AGXT2: variants seen among roughly 807,000 people sequenced by gnomAD.
AGXT2 encodes the protein alanine--glyoxylate aminotransferase 2, mitochondrial.
A neutral mutation model predicts 62.5 loss-of-function variants in AGXT2; 61 were observed. The ratio of observed to expected loss-of-function variants is 0.98; its 90% CI spans 0.79 to 1.21. The LOEUF (loss-of-function observed/expected upper bound fraction) is 1.21. AGXT2 is among the 50% of genes most tolerant of loss of function. The pLI is 0.00. For missense variants in AGXT2, 666 were observed against 641.5 expected, an observed-to-expected ratio of 1.04 and a Z score of -0.41; for synonymous variants, 243 against 218.7, an observed-to-expected ratio of 1.11 and a Z score of -0.98.
chr5:35,033,461 G>A lies in AGXT2; in HGVS notation c.674C>T (p.Pro225Leu). Residue 225 changes from proline to leucine, a missense_variant and splice_region_variant, in exon 6 of 14, where the codon CCA becomes CTA. Coordinates refer to ENST00000231420, the MANE Select transcript of AGXT2 (RefSeq NM_031900.4). Reference protein sequence around the residue: ...MELPGGTGCQPTMCPDVFRGP... With the variant: ...MELPGGTGCQLTMCPDVFRGP... ...CAAGAGAAAAATCTCCAAACTCACT[G>A]GTTGGCAACCTGTCCCACCAGGGAG... 3 of 1,610,106 alleles carry A rather than the reference G, an allele frequency of 1.9e-6. No individual in the cohort carries two copies. Among genetic ancestry groups the A allele is most frequent in the Non-Finnish European group, 2.6e-6 (3 of 1,176,366 alleles).
At chr5:35,010,883 C>A (rs1338927643) in intron 11 of AGXT2, among the ~76,000 whole-genome samples, 1 of 152,126 alleles carries the variant, frequency 6.6e-6, no homozygotes, top group Non-Finnish European at 1.5e-5. Context: ...CTTTGCTCAG[C>A]AGGCCTCAGC....
rs1580578038 is a variant in AGXT2 at position 35,013,050 on chromosome 5, A to C, written c.1097-5T>G. ...TCGCCAAAGATTTGGCAATCTCTAG[A>C]GGGAGAAAATAGAAGGTGTGGAAAG... On this transcript the variant is annotated splice_polypyrimidine_tract_variant and splice_region_variant and intron_variant, in intron 10 of 13. Coordinates refer to ENST00000231420, the MANE Select transcript of AGXT2 (RefSeq NM_031900.4). 1.5e-5 allele frequency: 24 copies of C among 1,551,460 alleles called. No individual in the cohort carries two copies. The East Asian group carries it at 5.9e-4, about 38-fold the overall frequency.
In AGXT2 at chr5:35,013,109, G is replaced by A. The variant is rs576253909; in HGVS notation, c.1097-64C>T. 6.4e-6 allele frequency: 9 copies of A among 1,407,156 alleles called. No individual in the cohort carries two copies. In the East Asian group the frequency reaches 7.5e-5, roughly 12 times the overall value. The allele number at this position is 1,407,156 out of a possible 1,614,324, so 87.2% of individuals were successfully genotyped here. A position where few individuals can be genotyped will look rare whatever the true frequency, so the allele number is the denominator to read the frequency against. ...ATTCCTGTCCACAATCTCTCATCGC[G>A]CCATTTGGACTACAGTTACTTCGTG... is the stretch of plus-strand genomic sequence containing the variant. On this transcript the variant is annotated intron_variant, in intron 10 of 13. Transcript: ENST00000231420.
chr5:35,008,022 A>G (rs960168682), intron 12 of AGXT2, among the ~76,000 whole-genome samples: 1 of 151,972 alleles, frequency 6.6e-6, no homozygotes, highest in African/African-American at 2.4e-5. Context: ...TTCCACCACG[A>G]ACAGAAGCAG....
At chr5:35,014,230 G>C in intron 9 of AGXT2, 111 bp from the exon 10 acceptor site, 1 of 1,431,950 alleles carries the variant, frequency 7.0e-7, no homozygotes, top group East Asian at 2.4e-5. Flanking sequence ...GAAGCAGGTG[G>C]ATCATGAGGT....
intron 4 of AGXT2, among the ~76,000 whole-genome samples, 198 bp downstream of exon 4, chr5:35,036,744 T>G (rs1190046185): frequency 6.6e-6 from 1 of 152,192 alleles, no homozygotes; most frequent in Non-Finnish European, 1.5e-5. Context: ...AATTCCCTTC[T>G]TCTGTCTGAT....
At chr5:35,016,181 T>C (rs1355204698) in intron 9 of AGXT2, among the ~76,000 whole-genome samples, 1 of 152,202 alleles carries the variant, frequency 6.6e-6, no homozygotes, top group African/African-American at 2.4e-5. Context: ...CTAAATACCA[T>C]ACATAAATGG....
intron 4 of AGXT2, among the ~76,000 whole-genome samples, chr5:35,035,736 C>T (rs947163850): frequency 1.1e-4 from 17 of 152,316 alleles, no homozygotes; most frequent in African/African-American, 4.1e-4. Context: ...TCTGCAACTC[C>T]AGGGGTTGTC....
At chr5:35,013,847 TTCTC>T (rs1240210206) in intron 10 of AGXT2, 136 bp downstream of exon 10, 10 of 1,324,032 alleles carry the variant, frequency 7.6e-6, no homozygotes, top group African/African-American at 2.9e-5. Context: ...GACAGACTGT[TTCTC>T]TCTTTCATTT....
At chr5:35,022,203 C>A (rs1767128544) in intron 9 of AGXT2, among the ~76,000 whole-genome samples, 1 of 152,084 alleles carries the variant, frequency 6.6e-6, no homozygotes, top group Admixed American at 6.6e-5. Context: ...ATACCATTGA[C>A]CCAGCCATCC....
intron 9 of AGXT2, among the ~76,000 whole-genome samples, chr5:35,021,481 C>G (rs1162411457): frequency 1.3e-5 from 2 of 150,176 alleles, no homozygotes; most frequent in African/African-American, 4.9e-5. Context: ...GAAAGGATTC[C>G]CTATTTAATA....
chr5:35,036,855 C>G, intron 4 of AGXT2, 87 bp downstream of exon 4: 1 of 1,597,164 alleles, frequency 6.3e-7, no homozygotes, highest in Non-Finnish European at 8.5e-7. Flanking sequence ...CCCCTAGAAT[C>G]ATAAGACTCC....
At chr5:35,029,789 T>C (rs1330290137) in intron 7 of AGXT2, among the ~76,000 whole-genome samples, 2 of 152,178 alleles carry the variant, frequency 1.3e-5, no homozygotes, top group Non-Finnish European at 2.9e-5. Context: ...CGTCATGGAT[T>C]ACACTTGAAA....
intron 9 of AGXT2, among the ~76,000 whole-genome samples, chr5:35,019,715 A>T (rs1285010774): frequency 6.6e-6 from 1 of 152,204 alleles, no homozygotes; most frequent in Non-Finnish European, 1.5e-5. Context: ...GGCAAGAAAT[A>T]ACTAAAATCA....
chr5:34,998,970 A>T, intron 13 of AGXT2, 144 bp from the exon 14 acceptor site: 1 of 708,340 alleles, frequency 1.4e-6, no homozygotes, highest in South Asian at 1.5e-5. Context: ...TCCATCCCCA[A>T]TGCTGAATCC....
intron 9 of AGXT2, among the ~76,000 whole-genome samples, chr5:35,024,033 C>T (rs892792574): frequency 1.3e-5 from 2 of 152,096 alleles, no homozygotes; most frequent in African/African-American, 4.8e-5. Flanking sequence ...GCTGGGATTA[C>T]AGGCATGCAC....
intron 7 of AGXT2, among the ~76,000 whole-genome samples, chr5:35,030,546 A>G (rs920546969): frequency 1.3e-4 from 20 of 152,026 alleles, no homozygotes; most frequent in Admixed American, 9.2e-4. Context: ...AAAACAACTG[A>G]CTTCAGATAT....
At chr5:35,025,458 A>G (rs1767298157) in intron 9 of AGXT2, among the ~76,000 whole-genome samples, 1 of 152,220 alleles carries the variant, frequency 6.6e-6, no homozygotes, top group African/African-American at 2.4e-5. Context: ...CCCTGAAACA[A>G]TCCCTAGAAA....
intron 1 of AGXT2, among the ~76,000 whole-genome samples, chr5:35,043,132 T>C (rs1768050456): frequency 6.6e-6 from 1 of 152,154 alleles, no homozygotes; most frequent in South Asian, 2.1e-4. Flanking sequence ...TTCCCCAAAA[T>C]CATAATATCG....
Sources: gnomAD v4.1 joint callset for allele counts (sites outside exome capture counted in the v4.1 genomes callset) on GRCh38, gnomAD v4.1.1 for gene constraint, MANE v1.5 for transcripts, NCBI Gene and HGNC (gene_info 2026-07-23, HGNC 2026-07-21) for gene names.